GALNT2: variants seen among roughly 807,000 people sequenced by gnomAD.
The protein encoded by GALNT2 is UDP-GalNAc:polypeptide N-acetylgalactosaminyltransferase 2.
In GALNT2, 31 loss-of-function variants were observed where a neutral mutation model predicts 81.4. The observed-to-expected ratio is 0.38, with a 90% confidence interval of 0.29 to 0.51. The LOEUF (loss-of-function observed/expected upper bound fraction) is 0.51. Among genes scored for constraint, GALNT2 ranks in the 20% least tolerant of loss-of-function variants. The pLI, the probability that GALNT2 is intolerant of heterozygous loss-of-function variation, is 0.87. For synonymous variants in GALNT2, 303 were observed against 287.4 expected, an observed-to-expected ratio of 1.05 and a Z score of -0.55; for missense variants, 629 against 765.7, an observed-to-expected ratio of 0.82 and a Z score of 2.11.
chr1:230,113,168 A>G (rs1660752013), intron 1 of GALNT2, among the ~76,000 whole-genome samples: 1 of 152,156 alleles, frequency 6.6e-6, no homozygotes. Flanking sequence ...AGCGCTGGGC[A>G]CATCGGATCT....
intron 1 of GALNT2, among the ~76,000 whole-genome samples, chr1:230,095,651 C>G (rs975685766): frequency 6.6e-6 from 1 of 152,226 alleles, no homozygotes; most frequent in Admixed American, 6.5e-5. Flanking sequence ...AGGGCATGTA[C>G]TTCTCACCTC....
intron 1 of GALNT2, among the ~76,000 whole-genome samples, chr1:230,102,290 C>T (rs905995781): frequency 2.0e-5 from 3 of 152,154 alleles, no homozygotes; most frequent in Non-Finnish European, 4.4e-5. Context: ...GCATGCTGAG[C>T]GCTCAGTAAC....
At chr1:230,171,462 A>G (rs1662792035) in intron 1 of GALNT2, among the ~76,000 whole-genome samples, 1 of 152,204 alleles carries the variant, frequency 6.6e-6, no homozygotes, top group Non-Finnish European at 1.5e-5. Context: ...AACAGTGAAA[A>G]CTAGACAACT....
intron 1 of GALNT2, 77 bp from the exon 2 acceptor site, chr1:230,178,141 C>G: frequency 8.6e-7 from 1 of 1,159,372 alleles, no homozygotes. Flanking sequence ...TCTCCTAAGA[C>G]TCGGTATGTA....
chr1:230,058,199 A>G (rs796256063), intron 1 of GALNT2: 7 of 442,702 alleles, frequency 1.6e-5, no homozygotes, highest in African/African-American at 1.4e-4. Context: ...TCCTAGGCCC[A>G]ACTCTCAGGC....
intron 1 of GALNT2, among the ~76,000 whole-genome samples, chr1:230,156,780 T>C (rs1272759023): frequency 6.6e-6 from 1 of 152,188 alleles, no homozygotes; most frequent in Non-Finnish European, 1.5e-5. Flanking sequence ...GAACACTGTC[T>C]ACACACTCTG....
intron 1 of GALNT2, among the ~76,000 whole-genome samples, chr1:230,158,423 T>C (rs975510569): frequency 2.0e-5 from 3 of 152,236 alleles, no homozygotes; most frequent in Non-Finnish European, 4.4e-5. Context: ...AACATTAACT[T>C]TTATTTTGGA....
chr1:230,075,391 G>C (rs1346805485), intron 1 of GALNT2, among the ~76,000 whole-genome samples: 1 of 152,098 alleles, frequency 6.6e-6, no homozygotes, highest in African/African-American at 2.4e-5. Context: ...AAAGTGCTGG[G>C]ATTACAGGCG....
intron 1 of GALNT2, among the ~76,000 whole-genome samples, chr1:230,112,696 C>T (rs1660740061): frequency 6.8e-6 from 1 of 148,120 alleles, no homozygotes; most frequent in South Asian, 2.1e-4. Context: ...GAGAGGGTGG[C>T]TGAGTGGAGG....
At chr1:230,272,760 TGGTTC>T (rs538443587) in intron 14 of GALNT2, among the ~76,000 whole-genome samples, 3 of 152,198 alleles carry the variant, frequency 2.0e-5, no homozygotes, top group African/African-American at 4.8e-5. Context: ...TGGTTTGGTT[TGGTTC>T]GGTTCGGTTC....
At chr1:230,153,697 GTTTC>G (rs1251898517) in intron 1 of GALNT2, among the ~76,000 whole-genome samples, 1 of 152,206 alleles carries the variant, frequency 6.6e-6, no homozygotes, top group African/African-American at 2.4e-5. Flanking sequence ...GTTGTGAAAA[GTTTC>G]TTTTGTCAGA....
chr1:230,215,864 G>A (rs1167673760), intron 3 of GALNT2, among the ~76,000 whole-genome samples: 1 of 152,172 alleles, frequency 6.6e-6, no homozygotes. Context: ...ATAGTGACTA[G>A]TGGCTTGTAT....
At chr1:230,124,416 C>T (rs2102804945) in intron 1 of GALNT2, among the ~76,000 whole-genome samples, 1 of 152,226 alleles carries the variant, frequency 6.6e-6, no homozygotes, top group East Asian at 1.9e-4. Flanking sequence ...GGAATGTCCC[C>T]TTGTCACCAG....
chr1:230,082,268 T>G (rs1659758649), intron 1 of GALNT2, among the ~76,000 whole-genome samples: 1 of 152,226 alleles, frequency 6.6e-6, no homozygotes, highest in African/African-American at 2.4e-5. Flanking sequence ...AGGTGTCACA[T>G]TTGGGTTACA....
chr1:230,234,724 C>T (rs1664973038), intron 3 of GALNT2, among the ~76,000 whole-genome samples: 1 of 152,200 alleles, frequency 6.6e-6, no homozygotes, highest in Non-Finnish European at 1.5e-5. Context: ...CGTGGGCTGT[C>T]AGTCCTGCCC....
rs1005373288 is a variant in GALNT2, at chr1:230,255,434, C to A, written c.1136+90C>A. On this transcript the variant is annotated intron_variant, in intron 11 of 15. Transcript: ENST00000366672. ...CTTGGGCTGTTTGAGGACAGATGTC[C>A]TTCAGTGGGTGTGGTGCATTTATAC... 19 of 1,525,770 alleles carry A rather than the reference C, an allele frequency of 1.2e-5. No homozygotes were observed. The African/African-American group carries it at 1.8e-4, about 14-fold the overall frequency. The allele number at this position is 1,525,770 out of a possible 1,614,324, so 94.5% of individuals were successfully genotyped here.
chr1:230,261,616 T>C (rs772379758), intron 11 of GALNT2, among the ~76,000 whole-genome samples: 2 of 152,224 alleles, frequency 1.3e-5, no homozygotes, highest in Non-Finnish European at 2.9e-5. Flanking sequence ...ATGATAGCTT[T>C]TAATGCATGT....
At chr1:230,141,680 T>C (rs763143033) in intron 1 of GALNT2, among the ~76,000 whole-genome samples, 50 of 152,290 alleles carry the variant, frequency 3.3e-4, no homozygotes, top group African/African-American at 6.5e-4. Context: ...TTTGTTGATC[T>C]AGTCACCCAT....
chr1:230,118,698 CCG>C (rs1045135411), intron 1 of GALNT2, among the ~76,000 whole-genome samples: 3 of 152,058 alleles, frequency 2.0e-5, no homozygotes, highest in African/African-American at 7.2e-5. Context: ...CGGTTCTTCC[CCG>C]CGTGGCTCCT....
Sources: allele counts gnomAD v4.1 joint callset (sites outside exome capture counted in the v4.1 genomes callset), GRCh38; gene constraint gnomAD v4.1.1; transcripts MANE v1.5; gene names NCBI Gene and HGNC (gene_info 2026-07-23, HGNC 2026-07-21).